KIF11: variants seen among roughly 807,000 people sequenced by gnomAD.
KIF11 encodes the protein kinesin-like protein KIF11.
KIF11 carries 9 observed loss-of-function variants against 121.0 expected under a neutral mutation model. That is an observed-to-expected ratio of 0.07 (90% CI 0.04 to 0.13). The LOEUF (loss-of-function observed/expected upper bound fraction) is 0.13. Among genes scored for constraint, KIF11 ranks in the 10% least tolerant of loss-of-function variants. The pLI is 1.00. For missense variants in KIF11, 846 were observed against 1,217.5 expected, an observed-to-expected ratio of 0.69 and a Z score of 4.54; for synonymous variants, 408 against 421.0, an observed-to-expected ratio of 0.97 and a Z score of 0.38.
Position 92,650,394 on chromosome 10 carries a change from C to G in KIF11, c.2923-7C>G. On this transcript the variant is annotated splice_polypyrimidine_tract_variant and splice_region_variant and intron_variant, in intron 20 of 21. Coordinates refer to ENST00000260731, the MANE Select transcript of KIF11 (RefSeq NM_004523.4). ...GACTTAGTCACTCATCCAGTTTCTT[C>G]TTTTAGGATGTGGATGTAGAAGAGG... 5.8e-6 allele frequency: 9 copies of G among 1,557,940 alleles called. No homozygotes were observed. Among genetic ancestry groups the G allele is most frequent in the Non-Finnish European group, 8.0e-6 (9 of 1,128,850 alleles).
In KIF11 at chr10:92,609,268, G is replaced by C. The variant is rs1230700706; in HGVS notation, c.573+63G>C. 1.4e-4 allele frequency: 63 copies of C among 459,132 alleles called. No individual in the cohort carries two copies. The East Asian group carries it at 4.6e-3, about 33-fold the overall frequency. The allele number at this position is 459,132 out of a possible 1,614,324, so 28.4% of individuals were successfully genotyped here. ...TAATGTGTGAGGCTTTGAGAAGTCA[G>C]AGAGAGAGAGAGAGAGAGAGAGAGA... On this transcript the variant is annotated intron_variant, in intron 5 of 21. Coordinates refer to ENST00000260731, the MANE Select transcript of KIF11 (RefSeq NM_004523.4).
At chr10:92,607,312 T>C (rs922669566) in intron 4 of KIF11, 75 bp downstream of exon 4, 13 of 832,858 alleles carry the variant, frequency 1.6e-5, no homozygotes, top group Non-Finnish European at 2.6e-5. Flanking sequence ...TTTGAGGGCC[T>C]CTGTCTTGGA....
In KIF11 at chr10:92,596,194, G is replaced by T. The variant is rs147933286; in HGVS notation, c.77+2742G>T. ...AATTTTTTGTATTTTTAGTAGAGAC[G>T]GGGTTTCACCATATTAGCCAGGATG... On this transcript the variant is annotated intron_variant, in intron 1 of 21. Coordinates refer to ENST00000260731, the MANE Select transcript of KIF11 (RefSeq NM_004523.4). Among the ~76,000 whole-genome samples, 523 of 152,122 alleles carry T rather than the reference G, an allele frequency of 3.4e-3. 3 individuals are homozygous for T. The highest frequency in any genetic ancestry group is 6.2e-3 in the Non-Finnish European group (424 of 67,938).
In KIF11 at chr10:92,609,218, TTGAGAA is replaced by T; in HGVS notation, c.573+17_573+22del. 1.3e-6 allele frequency: 2 copies of T among 1,550,228 alleles called. No homozygotes were observed. The highest frequency in any genetic ancestry group is 1.7e-6 in the Non-Finnish European group (2 of 1,146,856). On this transcript the variant is annotated intron_variant, in intron 5 of 21. Transcript: ENST00000260731. ...TCCCCGTAACAAGGTAATTCAGTCT[TTGAGAA>T]TGAAATGTCTCTGAATTTTAATGTG...
At chr10:92,615,842 GTT>G (rs71481176) in intron 8 of KIF11, among the ~76,000 whole-genome samples, 137 of 129,952 alleles carry the variant, frequency 1.1e-3, no homozygotes, top group African/African-American at 3.2e-3. Flanking sequence ...GGATTTTTTT[GTT>G]TTTTTTTTTT....
intron 1 of KIF11, among the ~76,000 whole-genome samples, chr10:92,594,265 G>C (rs750486229): frequency 6.6e-6 from 1 of 152,150 alleles, no homozygotes; most frequent in Admixed American, 6.6e-5. Context: ...AAATTAAAAG[G>C]TTATTTTTTA....
intron 11 of KIF11, among the ~76,000 whole-genome samples, chr10:92,629,844 T>C (rs1028052680): frequency 1.4e-4 from 21 of 152,104 alleles, no homozygotes; most frequent in Non-Finnish European, 3.1e-4. Flanking sequence ...TCTCAAACTA[T>C]GGGGCTCAAG....
chr10:92,606,448 A>G (rs1477044400), intron 2 of KIF11, 51 bp downstream of exon 2: 2 of 1,448,838 alleles, frequency 1.4e-6, no homozygotes, highest in Admixed American at 2.2e-5. Context: ...AATAATTTTA[A>G]TATACATATT....
At chr10:92,653,531 G>T (rs909896780) in intron 21 of KIF11, 134 bp from the exon 22 acceptor site, 1 of 709,630 alleles carries the variant, frequency 1.4e-6, no homozygotes, top group Non-Finnish European at 2.3e-6. Context: ...GCTCAAACTT[G>T]TGCTGAACCT....
chr10:92,604,113 G>C (rs1361008234), intron 1 of KIF11, among the ~76,000 whole-genome samples: 1 of 152,132 alleles, frequency 6.6e-6, no homozygotes, highest in Non-Finnish European at 1.5e-5. Flanking sequence ...CCAACAAATT[G>C]ATGGATTTGT....
rs771667854 is a variant in KIF11, at chr10:92,606,395, A to G, written c.208A>G (p.Met70Val). The G allele has an allele frequency of 6.3e-7, 1 of 1,589,168 alleles. No individual in the cohort carries two copies. The highest frequency in any genetic ancestry group is 8.5e-7 in the Non-Finnish European group (1 of 1,172,762). The change falls in exon 2 of 22, where the codon ATG (methionine) becomes GTG (valine). Residue 70 changes from methionine to valine, a missense_variant and splice_region_variant. Physicochemically the swap from Met to Val is conservative, Grantham distance 21. Around this residue, in one of 5 missense-constraint regions of KIF11, gnomAD observed 140 missense variants for 193.5 expected, o/e 0.72. Coordinates refer to ENST00000260731, the MANE Select transcript of KIF11 (RefSeq NM_004523.4). ...CTCAAGGAAAACATACACTTTTGAT[A>G]TGGTAACATATGGTGCAATTTCTTT... ...KSSRKTYTFD[M>V]VFGASTKQID... is the part of the protein sequence containing the mutation.
intron 9 of KIF11, among the ~76,000 whole-genome samples, chr10:92,619,635 A>C (rs1175102700): frequency 6.6e-6 from 1 of 152,106 alleles, no homozygotes; most frequent in Non-Finnish European, 1.5e-5. Context: ...CATCCTCACC[A>C]GCATTTGGTG....
chr10:92,625,407 G>A (rs910415396), intron 10 of KIF11, among the ~76,000 whole-genome samples: 3 of 149,730 alleles, frequency 2.0e-5, no homozygotes, highest in African/African-American at 7.4e-5. Flanking sequence ...AGTGCAGTGT[G>A]GCACGATCTC....
At chr10:92,619,143 A>G (rs1417230351) in intron 9 of KIF11, among the ~76,000 whole-genome samples, 1 of 152,002 alleles carries the variant, frequency 6.6e-6, no homozygotes, top group Non-Finnish European at 1.5e-5. Context: ...CACTCTCCCA[A>G]GTAGCTGGGA....
chr10:92,624,249 T>C lies in KIF11; in HGVS notation c.1217+2776T>C, dbSNP rs1048536483. Among the ~76,000 whole-genome samples, 21 of 141,890 alleles carry C rather than the reference T, an allele frequency of 1.5e-4. 1 individual carries two copies. The highest frequency in any genetic ancestry group is 4.5e-4 in the South Asian group (2 of 4,474). The allele number at this position is 141,890 out of a possible 152,430, so 93.1% of individuals were successfully genotyped here. A position where few individuals can be genotyped will look rare whatever the true frequency, so the allele number is the denominator to read the frequency against. Reference sequence around the variant, plus strand: ...CATTCTTTTTTTTTTTTTTTTTTTTTCGAGACAGTCTTGCTCTGTCACCCA... The same window carrying C: ...CATTCTTTTTTTTTTTTTTTTTTTTCCGAGACAGTCTTGCTCTGTCACCCA... On this transcript the variant is annotated intron_variant, in intron 10 of 21. Coordinates refer to ENST00000260731, the MANE Select transcript of KIF11 (RefSeq NM_004523.4).
At chr10:92,599,999 ATTAT>A (rs1158952857) in intron 1 of KIF11, among the ~76,000 whole-genome samples, 1 of 121,612 alleles carries the variant, frequency 8.2e-6, no homozygotes, top group Non-Finnish European at 1.6e-5. Flanking sequence ...TATTATTATT[ATTAT>A]TTATTTATTT....
intron 18 of KIF11, among the ~76,000 whole-genome samples, chr10:92,646,627 C>G (rs1175239437): frequency 6.6e-6 from 1 of 152,064 alleles, no homozygotes; most frequent in Non-Finnish European, 1.5e-5. Context: ...GTCAAAAGGT[C>G]TTAGTAGCCA....
At chr10:92,635,584 TAAC>T (rs1844786710) in intron 14 of KIF11, among the ~76,000 whole-genome samples, 1 of 152,166 alleles carries the variant, frequency 6.6e-6, no homozygotes, top group Non-Finnish European at 1.5e-5. Context: ...ATTACAATAG[TAAC>T]ATCAAAGATC....
At chr10:92,594,518 A>G (rs1208984884) in intron 1 of KIF11, among the ~76,000 whole-genome samples, 3 of 152,198 alleles carry the variant, frequency 2.0e-5, no homozygotes, top group Non-Finnish European at 4.4e-5. Flanking sequence ...CAAATTTTAA[A>G]ATTATTTTGG....
Sources: gnomAD v4.1 joint callset for allele counts (sites outside exome capture counted in the v4.1 genomes callset) on GRCh38, gnomAD v4.1.1 for gene constraint, gnomAD v4.1.1 regional missense constraint, MANE v1.5 for transcripts, NCBI Gene and HGNC (gene_info 2026-07-23, HGNC 2026-07-21) for gene names.